KMT5B: variants seen among roughly 807,000 people sequenced by gnomAD.
KMT5B encodes lysine methyltransferase 5B.
Under a neutral mutation model 83.2 loss-of-function variants are expected in KMT5B, and 10 were observed. The observed-to-expected ratio is 0.12, with a 90% CI of 0.07 to 0.20. The LOEUF is 0.20. Among genes scored for constraint, KMT5B ranks in the 10% least tolerant of loss-of-function variants. KMT5B has a pLI of 1.00. For synonymous variants in KMT5B, 349 were observed against 388.8 expected, an observed-to-expected ratio of 0.90 and a Z score of 1.20; for missense variants, 753 against 1,067.2, an observed-to-expected ratio of 0.71 and a Z score of 4.10.
At position 68,189,939 on chromosome 11, in the gene KMT5B, T is replaced by G. The variant is rs755035849; in HGVS notation, c.138A>C (p.Ala46=). The change falls in exon 2 of 11, where the codon GCA becomes GCC. Residue 46 remains alanine (A), a synonymous_variant. Coordinates refer to ENST00000304363, the MANE Select transcript of KMT5B (RefSeq NM_017635.5). ...GKDTLKAGKN[A]VERRSNRCNG... is the part of the protein sequence containing the mutation. The stretch of plus-strand genomic sequence containing the variant: ...TACATCTGTTCGACCTCCTCTCGAC[T>G]GCATTTTTGCCAGCCTTCAGGGTGT... 6.2e-7 allele frequency: 1 copy of G among 1,614,202 alleles called. No individual in the cohort carries two copies. The highest frequency in any genetic ancestry group is 8.5e-7 in the Non-Finnish European group (1 of 1,180,034).
At chr11:68,202,042 A>T (rs1408672256) in intron 1 of KMT5B, among the ~76,000 whole-genome samples, 3 of 152,154 alleles carry the variant, frequency 2.0e-5, no homozygotes, top group Non-Finnish European at 4.4e-5. Flanking sequence ...ACTCTAGCCT[A>T]GGTGATAGAG....
chr11:68,199,938 T>C (rs750059788), intron 1 of KMT5B, among the ~76,000 whole-genome samples: 2 of 152,202 alleles, frequency 1.3e-5, no homozygotes, highest in South Asian at 2.1e-4. Context: ...ACAAAGACTA[T>C]AGGAAGATTG....
intron 9 of KMT5B, among the ~76,000 whole-genome samples, chr11:68,169,565 A>G (rs1027150695): frequency 2.0e-5 from 3 of 152,260 alleles, no homozygotes; most frequent in African/African-American, 7.2e-5. Context: ...CATGCTTTAC[A>G]GGAAATAACA....
intron 5 of KMT5B, 22 bp from the exon 6 acceptor site, chr11:68,173,935 GATA>G (rs1466143419): frequency 1.3e-5 from 18 of 1,375,296 alleles, no homozygotes; most frequent in Non-Finnish European, 1.8e-5. Flanking sequence ...AAAAAAAATT[GATA>G]ATGACTTTAA....
At chr11:68,209,198 T>C (rs1018931769) in intron 1 of KMT5B, among the ~76,000 whole-genome samples, 7 of 152,200 alleles carry the variant, frequency 4.6e-5, no homozygotes, top group African/African-American at 1.7e-4. Context: ...ATTTCAACCG[T>C]GTTATACAAA....
Position 68,171,105 on chromosome 11 carries a change from T to G in KMT5B, c.887A>C (p.Asp296Ala). ...RDTACVKALR[D>A]IEPGEEISCY... ...AGAAATTTCTTCTCCAGGTTCAATG[T>G]CTCTTAGAGCCTTCACACATGCTGT... Residue 296 changes from aspartate (D) to alanine (A), a missense_variant, in exon 9 of 11, where the codon GAC becomes GCC. By Grantham distance (126) the Asp-to-Ala change is moderately radical. Around this residue, in one of 9 missense-constraint regions of KMT5B, gnomAD observed 34 missense variants for 172.5 expected, o/e 0.20. Transcript: ENST00000304363. The surrounding 1 kb of genome is among the most constrained non-coding windows in gnomAD (Gnocchi z 5.1). 6.2e-7 allele frequency: 1 copy of G among 1,608,358 alleles called. No homozygotes were observed. Among genetic ancestry groups the G allele is most frequent in the Non-Finnish European group, 8.5e-7 (1 of 1,178,844 alleles).
chr11:68,193,488 A>T (rs1360642685), intron 1 of KMT5B, among the ~76,000 whole-genome samples: 2 of 151,960 alleles, frequency 1.3e-5, no homozygotes, highest in African/African-American at 4.8e-5. Flanking sequence ...TGTGCATGTG[A>T]GCAGTATGCT....
chr11:68,179,638 AGGGG>A, intron 4 of KMT5B: 11 of 1,234,086 alleles, frequency 8.9e-6, no homozygotes, highest in Admixed American at 8.7e-5. Flanking sequence ...GGGAACAGGA[AGGGG>A]AACAGAAAAA....
At chr11:68,179,561 A>G (rs1856715807) in intron 4 of KMT5B, 2 of 1,304,108 alleles carry the variant, frequency 1.5e-6, no homozygotes. Flanking sequence ...GAAAAGTTGT[A>G]GACTGTATTA....
At chr11:68,200,811 G>A (rs982345300) in intron 1 of KMT5B, among the ~76,000 whole-genome samples, 5 of 152,320 alleles carry the variant, frequency 3.3e-5, no homozygotes, top group African/African-American at 4.8e-5. Context: ...TTCTACTTTC[G>A]TGAGTATTCA....
intron 9 of KMT5B, among the ~76,000 whole-genome samples, chr11:68,168,028 T>A (rs920561184): frequency 2.2e-4 from 34 of 152,064 alleles, no homozygotes; most frequent in Non-Finnish European, 4.1e-4. Context: ...AAAAAAAAAT[T>A]AGCCCGGCGT....
At chr11:68,159,402 G>A (rs1854663488) in intron 10 of KMT5B, among the ~76,000 whole-genome samples, 1 of 152,164 alleles carries the variant, frequency 6.6e-6, no homozygotes, top group Non-Finnish European at 1.5e-5. Flanking sequence ...TAGTTGCACG[G>A]TTAAGGAGCT....
At chr11:68,213,440 G>A (rs938738014), upstream of KMT5B, 1 of 129,452 alleles carries the variant, frequency 7.7e-6, no homozygotes, top group Non-Finnish European at 1.7e-5. Flanking sequence ...CTGCGCCCCC[G>A]GCGCCCGCCC....
At position 68,156,924 on chromosome 11, in the gene KMT5B, C is replaced by T. The variant is rs1214377186; in HGVS notation, c.*764G>A. The T allele has an allele frequency of 6.6e-6, 1 of 152,454 alleles. No individual in the cohort carries two copies. Among genetic ancestry groups the T allele is most frequent in the Non-Finnish European group, 1.5e-5 (1 of 67,994 alleles). The allele number at this position is 152,454 out of a possible 1,614,324, so 9.4% of individuals were successfully genotyped here. A position where few individuals can be genotyped will look rare whatever the true frequency, so the allele number is the denominator to read the frequency against. On this transcript the variant is annotated 3_prime_UTR_variant, in exon 11 of 11. Transcript: ENST00000304363. ...CACAGCAAATTTTTGAAAAAATAAG[C>T]ACCAATCATTCTTGCAAAGAACAAT...
intron 1 of KMT5B, among the ~76,000 whole-genome samples, chr11:68,208,515 T>C (rs1033300855): frequency 1.3e-5 from 2 of 151,890 alleles, no homozygotes; most frequent in African/African-American, 2.4e-5. Context: ...TAGAGCAAAA[T>C]AGACATCGTT....
At chr11:68,177,897 C>T (rs1321623457) in intron 4 of KMT5B, among the ~76,000 whole-genome samples, 1 of 152,120 alleles carries the variant, frequency 6.6e-6, no homozygotes, top group Admixed American at 6.6e-5. Flanking sequence ...GTCAAGATAC[C>T]ATCTCCAAGA....
chr11:68,183,118 C>A (rs1338983042), intron 3 of KMT5B, among the ~76,000 whole-genome samples: 1 of 151,682 alleles, frequency 6.6e-6, no homozygotes, highest in Non-Finnish European at 1.5e-5. Flanking sequence ...TCTTGATGAC[C>A]CCAGGTCAAG....
At chr11:68,159,795 G>A (rs144754083) in intron 10 of KMT5B, among the ~76,000 whole-genome samples, 8 of 152,346 alleles carry the variant, frequency 5.3e-5, no homozygotes, top group East Asian at 1.9e-4. Flanking sequence ...CTTCAACTCC[G>A]TGAGGAACAG....
intron 6 of KMT5B, among the ~76,000 whole-genome samples, chr11:68,172,828 A>G (rs892183120): frequency 4.0e-5 from 6 of 151,852 alleles, no homozygotes; most frequent in African/African-American, 1.5e-4. Context: ...ATGTACACAC[A>G]CTCACCCCAG....
Sources: gnomAD v4.1 joint callset for allele counts (sites outside exome capture counted in the v4.1 genomes callset) on GRCh38, gnomAD v4.1.1 for gene constraint, gnomAD v4.1.1 regional missense constraint, Gnocchi (gnomAD v3.1) non-coding constraint, MANE v1.5 for transcripts, NCBI Gene and HGNC (gene_info 2026-07-23, HGNC 2026-07-21) for gene names.